The following GAS7 variants were observed in gnomAD, a reference collection of about 807,000 sequenced individuals.
GAS7 encodes the protein growth arrest-specific protein 7.
Under a neutral mutation model 71.1 loss-of-function variants are expected in GAS7, and 28 were observed. That is an observed-to-expected ratio of 0.39 (90% CI 0.29 to 0.54). The LOEUF is 0.54. Ranked by LOEUF, GAS7 falls within the 20% of genes least tolerant of loss-of-function variation. The pLI is 0.62. For synonymous variants in GAS7, 258 were observed against 245.8 expected, an observed-to-expected ratio of 1.05 and a Z score of -0.46; for missense variants, 436 against 627.8, an observed-to-expected ratio of 0.69 and a Z score of 3.27.
In GAS7 at chr17:9,918,376, G is replaced by A. The variant is rs564912817; in HGVS notation, c.1219-277C>T. 1.1e-4 allele frequency among the ~76,000 whole-genome samples: 16 copies of A among 152,294 alleles called. No individual in the cohort carries two copies. The South Asian group carries it at 2.1e-3, about 20-fold the overall frequency. On this transcript the variant is annotated intron_variant, in intron 12 of 13. Coordinates refer to ENST00000432992, the MANE Select transcript of GAS7 (RefSeq NM_201433.2). Reference sequence around the variant, plus strand: ...GTCCTCGTTACAATTTTAAGAGATCGTTTCTGTTATTATCCCCATTCTCCA... The same window carrying A: ...GTCCTCGTTACAATTTTAAGAGATCATTTCTGTTATTATCCCCATTCTCCA...
intron 4 of GAS7, among the ~76,000 whole-genome samples, chr17:9,961,236 C>T (rs533696816): frequency 3.3e-5 from 5 of 152,318 alleles, no homozygotes; most frequent in South Asian, 2.1e-4. Flanking sequence ...ATTTTTAGTG[C>T]ATCATCTCAT....
chr17:9,939,954 C>T (rs118173920), intron 8 of GAS7, among the ~76,000 whole-genome samples, 172 bp downstream of exon 8: 1,897 of 152,254 alleles, frequency 0.012, 93 homozygotes, highest in East Asian at 0.096. Context: ...GTCATGGGTG[C>T]CCACCCAAGT....
At chr17:9,932,588 A>C (rs2068248282) in intron 9 of GAS7, among the ~76,000 whole-genome samples, 1 of 152,162 alleles carries the variant, frequency 6.6e-6, no homozygotes, top group Non-Finnish European at 1.5e-5. Context: ...TTTATTTTTC[A>C]TCTAAAAATT....
At chr17:9,987,619 GAATA>G (rs1319092317) in intron 2 of GAS7, among the ~76,000 whole-genome samples, 22 of 152,202 alleles carry the variant, frequency 1.4e-4, no homozygotes, top group Admixed American at 1.4e-3. Context: ...CTCTATAAAT[GAATA>G]AATGAATGGA....
At chr17:9,956,504 C>T (rs1009889375) in intron 5 of GAS7, among the ~76,000 whole-genome samples, 2 of 152,130 alleles carry the variant, frequency 1.3e-5, no homozygotes, top group Non-Finnish European at 2.9e-5. Context: ...GATTCAGACG[C>T]GTTCATGCTC....
chr17:10,135,758 G>C (rs189563901), intron 1 of GAS7, among the ~76,000 whole-genome samples: 4 of 152,118 alleles, frequency 2.6e-5, no homozygotes, highest in African/African-American at 4.8e-5. Context: ...CCTCCGAACT[G>C]GGGGGAGGGG....
chr17:10,022,767 TA>T (rs1193106608), intron 1 of GAS7, among the ~76,000 whole-genome samples: 1 of 152,230 alleles, frequency 6.6e-6, no homozygotes, highest in East Asian at 1.9e-4. Flanking sequence ...ACCTCCACCC[TA>T]GCCTCACCAT....
intron 5 of GAS7, among the ~76,000 whole-genome samples, chr17:9,957,314 T>C (rs940383007): frequency 1.3e-5 from 2 of 152,130 alleles, no homozygotes; most frequent in Non-Finnish European, 2.9e-5. Context: ...GAAGCAATGA[T>C]ATGGCTCAGC....
intron 1 of GAS7, among the ~76,000 whole-genome samples, chr17:10,106,391 G>A (rs543368025): frequency 6.6e-6 from 1 of 152,188 alleles, no homozygotes; most frequent in Non-Finnish European, 1.5e-5. Context: ...CCATGTGCAG[G>A]CACACAGATA....
At chr17:10,082,913 T>C (rs116505005) in intron 1 of GAS7, among the ~76,000 whole-genome samples, 1,969 of 152,282 alleles carry the variant, frequency 0.013, 46 homozygotes, top group African/African-American at 0.043. Flanking sequence ...CACATTTCTG[T>C]GAAACTCTAG....
rs992548256 is a variant in GAS7, at chr17:10,103,137, G to A, written c.184-83240C>T. 4.0e-5 allele frequency among the ~76,000 whole-genome samples: 6 copies of A among 150,640 alleles called. No individual in the cohort carries two copies. Among genetic ancestry groups the A allele is most frequent in the African/African-American group, 1.5e-4 (6 of 41,120 alleles). On this transcript the variant is annotated intron_variant, in intron 1 of 13. Transcript: ENST00000432992. The surrounding 1 kb of genome is among the most constrained non-coding windows in gnomAD (Gnocchi z 5.5). ...GAGGCCGAGGTGGGCAGATTGCTAAGAGCCCAGGAGTTTGAGACCAGCCTG... is the reference window on the plus strand; with the variant it reads ...GAGGCCGAGGTGGGCAGATTGCTAAAAGCCCAGGAGTTTGAGACCAGCCTG...
chr17:10,105,308 C>G (rs1173632490), intron 1 of GAS7, among the ~76,000 whole-genome samples: 2 of 152,174 alleles, frequency 1.3e-5, no homozygotes, highest in East Asian at 3.9e-4. Context: ...TCCACAAACA[C>G]CGGCCCCTCC....
chr17:9,957,272 C>T (rs2069281250), intron 5 of GAS7, among the ~76,000 whole-genome samples: 1 of 152,224 alleles, frequency 6.6e-6, no homozygotes, highest in South Asian at 2.1e-4. Flanking sequence ...GTCTTGGAGG[C>T]TTGAGAATAC....
Position 10,181,298 on chromosome 17 carries a change from T to G in GAS7, c.183+16910A>C, listed in dbSNP as rs573303547. 4.3e-3 allele frequency among the ~76,000 whole-genome samples: 654 copies of G among 150,642 alleles called. 6 individuals are homozygous for G. Among genetic ancestry groups the G allele is most frequent in the South Asian group, 0.019 (90 of 4,756 alleles). On this transcript the variant is annotated intron_variant, in intron 1 of 13. Transcript: ENST00000432992. ...TCGCTTGAACCCAGGAGGTGGAGATTGCAGTGAGCTGAGATTGAGCCACTG... is the reference window on the plus strand; with the variant it reads ...TCGCTTGAACCCAGGAGGTGGAGATGGCAGTGAGCTGAGATTGAGCCACTG...
At chr17:9,975,948 A>G (rs2070183888) in intron 3 of GAS7, among the ~76,000 whole-genome samples, 2 of 151,146 alleles carry the variant, frequency 1.3e-5, no homozygotes, top group Non-Finnish European at 3.0e-5. Context: ...GTCTGATGAC[A>G]TAGGGCACAA....
chr17:10,135,049 T>C (rs2142091021), intron 1 of GAS7, among the ~76,000 whole-genome samples: 1 of 152,172 alleles, frequency 6.6e-6, no homozygotes, highest in Non-Finnish European at 1.5e-5. Context: ...GCCAGGATGG[T>C]CTTGATGTCT....
intron 1 of GAS7, among the ~76,000 whole-genome samples, chr17:10,039,508 C>T (rs2072821426): frequency 1.3e-5 from 2 of 152,022 alleles, no homozygotes; most frequent in African/African-American, 4.8e-5. Context: ...ATGGCGAAAA[C>T]CCATCTCTAC....
intron 2 of GAS7, 151 bp from the exon 3 acceptor site, chr17:9,982,035 T>C (rs2070431069): frequency 8.2e-6 from 5 of 606,144 alleles, no homozygotes. Context: ...GACCCTGCTT[T>C]CTGCTCCCAT....
intron 1 of GAS7, among the ~76,000 whole-genome samples, chr17:10,045,725 A>G (rs1478506014): frequency 6.6e-6 from 1 of 152,170 alleles, no homozygotes; most frequent in African/African-American, 2.4e-5. Context: ...TCAAGTGGAC[A>G]TATCAGAAAC....
Sources: allele counts gnomAD v4.1 joint callset (sites outside exome capture counted in the v4.1 genomes callset), GRCh38; gene constraint gnomAD v4.1.1; non-coding constraint Gnocchi (gnomAD v3.1); transcripts MANE v1.5; gene names NCBI Gene and HGNC (gene_info 2026-07-23, HGNC 2026-07-21).